Variants in PPP2R2C observed in about 807,000 individuals in gnomAD.
PPP2R2C encodes the protein protein phosphatase 2, regulatory subunit B, gamma.
In PPP2R2C, 10 loss-of-function variants were observed where a neutral mutation model predicts 45.3. The observed-to-expected ratio is 0.22, with a 90% CI of 0.14 to 0.37. The LOEUF is 0.37. PPP2R2C is among the 10% of genes least tolerant of loss of function. The pLI is 1.00. For synonymous variants in PPP2R2C, 257 were observed against 245.4 expected, an observed-to-expected ratio of 1.05 and a Z score of -0.44; for missense variants, 308 against 619.7, an observed-to-expected ratio of 0.50 and a Z score of 5.34.
intron 1 of PPP2R2C, among the ~76,000 whole-genome samples, chr4:6,464,165 C>T (rs919609607): frequency 2.6e-5 from 4 of 152,156 alleles, no homozygotes; most frequent in East Asian, 1.9e-4. Context: ...ATGAGATGCA[C>T]GCAGCCTCAT....
At chr4:6,540,115 T>C (rs1376832992) in intron 1 of PPP2R2C, among the ~76,000 whole-genome samples, 1 of 152,224 alleles carries the variant, frequency 6.6e-6, no homozygotes, top group Non-Finnish European at 1.5e-5. Context: ...AAGTGTACAA[T>C]TCAGTAGTTT....
chr4:6,414,296 C>A (rs368781432), intron 1 of PPP2R2C, among the ~76,000 whole-genome samples: 1 of 152,066 alleles, frequency 6.6e-6, no homozygotes, highest in Non-Finnish European at 1.5e-5. Context: ...CCTACATGTA[C>A]GAAAGGAACC....
chr4:6,474,926 G>T (rs1722086945), upstream of PPP2R2C, among the ~76,000 whole-genome samples: 1 of 151,660 alleles, frequency 6.6e-6, no homozygotes. Flanking sequence ...GACAGAGCCT[G>T]AGCTCCAGAT....
At chr4:6,375,085 C>G (rs551249234) in intron 4 of PPP2R2C, among the ~76,000 whole-genome samples, 19 of 152,268 alleles carry the variant, frequency 1.2e-4, no homozygotes, top group Middle Eastern at 3.4e-3. Context: ...TCGCTGTATC[C>G]TTCCCTCTAG....
At chr4:6,439,220 A>T (rs967103879) in intron 1 of PPP2R2C, among the ~76,000 whole-genome samples, 2 of 152,264 alleles carry the variant, frequency 1.3e-5, no homozygotes, top group Non-Finnish European at 2.9e-5. Context: ...ATGGTTTGCC[A>T]GTATCAGCAG....
At chr4:6,436,134 A>C (rs1196239769) in intron 1 of PPP2R2C, among the ~76,000 whole-genome samples, 1 of 152,214 alleles carries the variant, frequency 6.6e-6, no homozygotes, top group Non-Finnish European at 1.5e-5. Flanking sequence ...TCCTCAGCAG[A>C]CACCAAATCT....
intron 1 of PPP2R2C, among the ~76,000 whole-genome samples, chr4:6,538,476 A>G (rs1242887746): frequency 6.6e-6 from 1 of 152,228 alleles, no homozygotes; most frequent in Non-Finnish European, 1.5e-5. Flanking sequence ...ATCTGTGTTG[A>G]TGGTGCTGAA....
chr4:6,425,501 G>A (rs1230810819), intron 1 of PPP2R2C, among the ~76,000 whole-genome samples: 2 of 152,220 alleles, frequency 1.3e-5, no homozygotes, highest in East Asian at 1.9e-4. Context: ...CCACCAGCAC[G>A]AGCTCAGAAT....
chr4:6,473,557 C>T (rs1722029000), upstream of PPP2R2C, among the ~76,000 whole-genome samples: 1 of 152,214 alleles, frequency 6.6e-6, no homozygotes, highest in African/African-American at 2.4e-5. Context: ...GACTCTGTGG[C>T]TTGCCTGGGA....
chr4:6,493,478 G>A (rs947990864), intron 2 of PPP2R2C, among the ~76,000 whole-genome samples: 12 of 151,680 alleles, frequency 7.9e-5, no homozygotes, highest in African/African-American at 2.9e-4. Flanking sequence ...CTGGGGAGAG[G>A]TGGGAGTTGT....
chr4:6,469,072 G>A (rs1721723304), intron 1 of PPP2R2C, among the ~76,000 whole-genome samples: 2 of 56,730 alleles, frequency 3.5e-5, no homozygotes, highest in Admixed American at 3.7e-4. Flanking sequence ...ACCCAGCCCT[G>A]CCACCAAAAA....
At chr4:6,532,413 A>G (rs1480464675) in intron 2 of PPP2R2C, among the ~76,000 whole-genome samples, 1 of 152,202 alleles carries the variant, frequency 6.6e-6, no homozygotes, top group Non-Finnish European at 1.5e-5. Context: ...TGCCCATCCC[A>G]GACCAGACTG....
chr4:6,372,248 C>T (rs949202015), intron 5 of PPP2R2C, among the ~76,000 whole-genome samples: 2 of 152,244 alleles, frequency 1.3e-5, no homozygotes, highest in African/African-American at 2.4e-5. Context: ...TTCCTGGCCC[C>T]TTGTGAGGCC....
chr4:6,496,958 G>A (rs1238394485), intron 2 of PPP2R2C, among the ~76,000 whole-genome samples: 1 of 152,056 alleles, frequency 6.6e-6, no homozygotes, highest in Non-Finnish European at 1.5e-5. Flanking sequence ...GGGGTGGGAG[G>A]GCCATAGTAA....
intron 5 of PPP2R2C, among the ~76,000 whole-genome samples, chr4:6,361,513 C>T (rs895784549): frequency 2.6e-5 from 4 of 152,240 alleles, no homozygotes; most frequent in African/African-American, 9.6e-5. Flanking sequence ...TTCTGCTTTG[C>T]AGGGCTGTAA....
chr4:6,442,378 T>G lies in PPP2R2C; in HGVS notation c.70+29782A>C, dbSNP rs566631323. Among the ~76,000 whole-genome samples, 5 of 152,328 alleles carry G rather than the reference T, an allele frequency of 3.3e-5. 1 individual carries two copies. Among genetic ancestry groups the G allele is most frequent in the Admixed American group, 3.3e-4 (5 of 15,308 alleles). ...AGGCCTGGGCTTAGGAACAATGTACTTGGACCCAGTGGAACCCACACAGAG... is the reference window on the plus strand; with the variant it reads ...AGGCCTGGGCTTAGGAACAATGTACGTGGACCCAGTGGAACCCACACAGAG... On this transcript the variant is annotated intron_variant, in intron 1 of 8. Coordinates refer to ENST00000382599, the MANE Select transcript of PPP2R2C (RefSeq NM_020416.4).
chr4:6,451,620 AGCT>A (rs757259693), intron 1 of PPP2R2C, among the ~76,000 whole-genome samples: 10 of 152,084 alleles, frequency 6.6e-5, no homozygotes, highest in Non-Finnish European at 1.5e-4. Flanking sequence ...AGGTTTTTAT[AGCT>A]GCCTATTTAC....
In PPP2R2C at chr4:6,344,875, A is replaced by T. The variant is rs12498555; in HGVS notation, c.790+2971T>A. ...GACCGAACAATATTCTAGTACATGG[A>T]TGTCATCACTGTCGACATCATTTTC... On this transcript the variant is annotated intron_variant, in intron 6 of 8. Transcript: ENST00000382599. 3.7e-3 allele frequency among the ~76,000 whole-genome samples: 557 copies of T among 152,294 alleles called. 16 individuals carry two copies. Among genetic ancestry groups the T allele is most frequent in the Admixed American group, 0.03 (455 of 15,300 alleles).
chr4:6,443,415 G>C (rs922905710), intron 1 of PPP2R2C, among the ~76,000 whole-genome samples: 9 of 152,252 alleles, frequency 5.9e-5, no homozygotes, highest in African/African-American at 1.9e-4. Flanking sequence ...TGCAGACGCT[G>C]GGTAAAGCCC....
Sources: gnomAD v4.1 joint callset for allele counts (sites outside exome capture counted in the v4.1 genomes callset) on GRCh38, gnomAD v4.1.1 for gene constraint, MANE v1.5 for transcripts, NCBI Gene and HGNC (gene_info 2026-07-23, HGNC 2026-07-21) for gene names.